The following FSHR variants were observed in gnomAD, a reference collection of about 807,000 sequenced individuals.
FSHR encodes the protein follicle-stimulating hormone receptor.
In FSHR, 46 loss-of-function variants were observed where a neutral mutation model predicts 52.1. The ratio of observed to expected loss-of-function variants is 0.88; its 90% CI spans 0.70 to 1.13. The LOEUF (loss-of-function observed/expected upper bound fraction) is 1.13. FSHR is among the 50% of genes most tolerant of loss of function. The pLI is 0.00. For synonymous variants in FSHR, 399 were observed against 309.6 expected, an observed-to-expected ratio of 1.29 and a Z score of -3.03; for missense variants, 964 against 834.6, an observed-to-expected ratio of 1.16 and a Z score of -1.91.
At chr2:48,967,439 C>A (rs979591617) in intron 9 of FSHR, among the ~76,000 whole-genome samples, 17 of 152,110 alleles carry the variant, frequency 1.1e-4, no homozygotes, top group African/African-American at 3.9e-4. Flanking sequence ...GTATTCAGTC[C>A]CATGGACTTG....
chr2:49,055,739 G>T (rs887428765), intron 2 of FSHR, among the ~76,000 whole-genome samples: 24 of 151,874 alleles, frequency 1.6e-4, no homozygotes, highest in Admixed American at 6.6e-5. Context: ...CAGGCCAGGG[G>T]AGAATAGGAT....
At chr2:49,148,338 G>A (rs1672942448) in intron 1 of FSHR, among the ~76,000 whole-genome samples, 1 of 151,886 alleles carries the variant, frequency 6.6e-6, no homozygotes. Context: ...ACATAAAAAA[G>A]CAAGGAAAAT....
chr2:48,966,062 A>C (rs888716176), intron 9 of FSHR, among the ~76,000 whole-genome samples: 13 of 152,190 alleles, frequency 8.5e-5, no homozygotes, highest in Admixed American at 2.0e-4. Context: ...TGGTCAGTGT[A>C]GGTCAAGTTA....
chr2:49,041,426 T>A, intron 2 of FSHR, among the ~76,000 whole-genome samples: 1 of 152,120 alleles, frequency 6.6e-6, no homozygotes, highest in East Asian at 1.9e-4. Context: ...CATACAGAAA[T>A]CATGAATTAT....
rs7562725 is a variant in FSHR at position 49,050,591 on chromosome 2, G to T, written c.224+17628C>A. On this transcript the variant is annotated intron_variant, in intron 2 of 9. Transcript: ENST00000406846. The stretch of plus-strand genomic sequence containing the variant: ...AGCAGAAAGGACCAGACTACCTTGG[G>T]TTTAAATCCTAGCTTCACCACATAA... Among the ~76,000 whole-genome samples the T allele has an allele frequency of 5.3e-3, 805 of 152,218 alleles. 7 individuals are homozygous for T. The highest frequency in any genetic ancestry group is 0.018 in the African/African-American group (745 of 41,542).
intron 9 of FSHR, among the ~76,000 whole-genome samples, chr2:48,964,542 G>A (rs1220773045): frequency 2.6e-5 from 4 of 152,164 alleles, no homozygotes; most frequent in African/African-American, 9.7e-5. Flanking sequence ...TGTTACCAGG[G>A]TCTTTCCTGT....
chr2:49,054,933 T>C (rs1195048259), intron 2 of FSHR, among the ~76,000 whole-genome samples: 1 of 152,094 alleles, frequency 6.6e-6, no homozygotes, highest in African/African-American at 2.4e-5. Flanking sequence ...GGTGACTGTT[T>C]GACCAGATGC....
intron 6 of FSHR, among the ~76,000 whole-genome samples, chr2:48,986,680 T>C (rs1330647458): frequency 6.6e-6 from 1 of 152,222 alleles, no homozygotes; most frequent in African/African-American, 2.4e-5. Context: ...TCAGTGTCCA[T>C]GAACAGGAGT....
chr2:49,114,433 G>A (rs1671529906), intron 1 of FSHR, among the ~76,000 whole-genome samples: 3 of 152,130 alleles, frequency 2.0e-5, no homozygotes, highest in Admixed American at 2.0e-4. Flanking sequence ...CACAGTCTTG[G>A]CCATTGTGGA....
At chr2:49,085,034 CACA>C (rs1425652279) in intron 1 of FSHR, among the ~76,000 whole-genome samples, 11 of 152,048 alleles carry the variant, frequency 7.2e-5, no homozygotes, top group African/African-American at 2.2e-4. Context: ...CTGGTAGAGA[CACA>C]ACAAAAAAAG....
chr2:48,978,422 G>A (rs1220793322), intron 8 of FSHR, among the ~76,000 whole-genome samples: 1 of 152,186 alleles, frequency 6.6e-6, no homozygotes, highest in East Asian at 1.9e-4. Flanking sequence ...TGGGTACACT[G>A]GTAATGGAAG....
intron 2 of FSHR, among the ~76,000 whole-genome samples, chr2:49,046,389 G>A (rs942713647): frequency 6.6e-6 from 1 of 152,160 alleles, no homozygotes; most frequent in Non-Finnish European, 1.5e-5. Context: ...GAACTTTGGA[G>A]TAAGAATGCC....
At chr2:49,042,761 A>G (rs1278899676) in intron 2 of FSHR, among the ~76,000 whole-genome samples, 2 of 152,116 alleles carry the variant, frequency 1.3e-5, no homozygotes, top group Admixed American at 1.3e-4. Context: ...GGACAGGAGG[A>G]GGTTAGTGAC....
intron 1 of FSHR, among the ~76,000 whole-genome samples, chr2:49,074,516 CA>C (rs1356085685): frequency 6.6e-6 from 1 of 152,024 alleles, no homozygotes; most frequent in Non-Finnish European, 1.5e-5. Context: ...AACAAAATAA[CA>C]AATGTTGGTG....
At chr2:49,097,235 A>C (rs111877101) in intron 1 of FSHR, among the ~76,000 whole-genome samples, 4 of 152,212 alleles carry the variant, frequency 2.6e-5, no homozygotes, top group African/African-American at 9.6e-5. Flanking sequence ...TACTGGGCAT[A>C]GATTTCTTTG....
intron 2 of FSHR, among the ~76,000 whole-genome samples, chr2:49,049,851 A>ATATATATATATATATATATAT (rs1668791622): frequency 4.2e-5 from 6 of 143,710 alleles, no homozygotes; most frequent in African/African-American, 1.5e-4. Context: ...ATATATATAT[A>ATATATATATATATATATATAT]ATAAAAACCA....
chr2:49,107,596 CA>C (rs1020870081), intron 1 of FSHR, among the ~76,000 whole-genome samples: 16 of 152,116 alleles, frequency 1.1e-4, no homozygotes, highest in African/African-American at 3.9e-4. Flanking sequence ...AACTGATTAA[CA>C]ATGGTTAATC....
At chr2:49,085,957 C>T (rs1468719285) in intron 1 of FSHR, among the ~76,000 whole-genome samples, 1 of 147,712 alleles carries the variant, frequency 6.8e-6, no homozygotes, top group Non-Finnish European at 1.5e-5. Flanking sequence ...CACACTGGGG[C>T]CTGTTGTGGG....
chr2:49,061,416 T>C (rs1669283306), intron 2 of FSHR, among the ~76,000 whole-genome samples: 1 of 150,756 alleles, frequency 6.6e-6, no homozygotes, highest in Non-Finnish European at 1.5e-5. Context: ...CATGATTACA[T>C]CAGATAAAGG....
Sources: gnomAD v4.1 joint callset for allele counts (sites outside exome capture counted in the v4.1 genomes callset) on GRCh38, gnomAD v4.1.1 for gene constraint, MANE v1.5 for transcripts, NCBI Gene and HGNC (gene_info 2026-07-23, HGNC 2026-07-21) for gene names.